DENND2A: variants seen among roughly 807,000 people sequenced by gnomAD.
DENND2A encodes DENN domain containing 2A, also known as DENN domain-containing protein 2A.
DENND2A carries 53 observed loss-of-function variants against 105.3 expected under a neutral mutation model. The ratio of observed to expected loss-of-function variants is 0.50; its 90% CI spans 0.40 to 0.63. The LOEUF (loss-of-function observed/expected upper bound fraction) is 0.63. Among genes scored for constraint, DENND2A ranks in the 30% least tolerant of loss-of-function variants. DENND2A has a pLI of 0.00. For missense variants in DENND2A, 1,138 were observed against 1,279.6 expected (o/e 0.89, Z 1.69); for synonymous variants, 522 against 508.4 (o/e 1.03, Z -0.36).
intron 14 of DENND2A, among the ~76,000 whole-genome samples, chr7:140,540,428 G>C (rs1170701669): frequency 1.3e-5 from 2 of 152,258 alleles, no homozygotes; most frequent in Non-Finnish European, 2.9e-5. Flanking sequence ...AGGTTGGAGA[G>C]AAACACCAGT....
rs868710707 is a variant in DENND2A, at chr7:140,567,308, G to A, written c.1592-35C>T. 2.0e-5 allele frequency: 17 copies of A among 830,364 alleles called. 1 individual carries two copies. In the Admixed American group the frequency reaches 2.6e-4, roughly 13 times the overall value. The allele number at this position is 830,364 out of a possible 1,614,324, so 51.4% of individuals were successfully genotyped here. On this transcript the variant is annotated intron_variant, in intron 8 of 19. Coordinates refer to ENST00000496613, the MANE Select transcript of DENND2A (RefSeq NM_015689.5). ...GGAGGGAGAGAGAAAGAGAGAAAGA[G>A]AGAGAGAGAGAGAGAGAGAGAGAGA...
chr7:140,638,767 G>A (rs1220836087), intron 1 of DENND2A, among the ~76,000 whole-genome samples: 2 of 152,216 alleles, frequency 1.3e-5, no homozygotes, highest in Non-Finnish European at 2.9e-5. Context: ...TTTCCTTGGT[G>A]AGGCGGTTTT....
intron 19 of DENND2A, 86 bp from the exon 20 acceptor site, chr7:140,518,824 G>C: frequency 7.2e-7 from 1 of 1,395,276 alleles, no homozygotes; most frequent in South Asian, 1.2e-5. Context: ...GAAGTGGTGC[G>C]GGTAACGGGG....
chr7:140,624,857 TG>T (rs1188128779), intron 1 of DENND2A, among the ~76,000 whole-genome samples: 2,436 of 146,350 alleles, frequency 0.017, 132 homozygotes, highest in African/African-American at 0.061. Flanking sequence ...TTGTTTTTTT[TG>T]TTTTTTTTTG....
At chr7:140,591,971 CTCCCCTCTCCCTCCTCTCCCCTCCCCT>C (rs1384274390) in intron 3 of DENND2A, among the ~76,000 whole-genome samples, 11 of 41,976 alleles carry the variant, frequency 2.6e-4, no homozygotes, top group African/African-American at 8.8e-4. Context: ...TCCCCTCCCC[CTCCCCTCTCCCTCCTCTCCCCTCCCCT>C]TCCCCTCTCC....
rs1799347532 is a variant in DENND2A at position 140,597,996 on chromosome 7, C to G, written c.995+3407G>C. 2.0e-5 allele frequency among the ~76,000 whole-genome samples: 3 copies of G among 149,850 alleles called. No individual in the cohort carries two copies. In the South Asian group the frequency reaches 6.4e-4, roughly 32 times the overall value. Reference sequence around the variant, plus strand: ...TCAAACCTAGTAAAGATAGTGCAATCATCCTGTATGTATTCTGCAAAAAAA... The same window carrying G: ...TCAAACCTAGTAAAGATAGTGCAATGATCCTGTATGTATTCTGCAAAAAAA... On this transcript the variant is annotated intron_variant, in intron 3 of 19. Coordinates refer to ENST00000496613, the MANE Select transcript of DENND2A (RefSeq NM_015689.5).
At chr7:140,590,624 G>T (rs1310441908) in intron 3 of DENND2A, among the ~76,000 whole-genome samples, 4 of 152,172 alleles carry the variant, frequency 2.6e-5, no homozygotes, top group African/African-American at 9.7e-5. Flanking sequence ...CAGCACTTTG[G>T]GAGGCTGAGG....
At chr7:140,621,101 T>C (rs1800274010) in intron 1 of DENND2A, among the ~76,000 whole-genome samples, 1 of 152,208 alleles carries the variant, frequency 6.6e-6, no homozygotes, top group Admixed American at 6.5e-5. Flanking sequence ...GCATCATGGC[T>C]CACTGCAGCC....
intron 14 of DENND2A, among the ~76,000 whole-genome samples, chr7:140,528,013 G>C (rs994240472): frequency 1.3e-5 from 2 of 151,730 alleles, no homozygotes; most frequent in African/African-American, 4.8e-5. Flanking sequence ...GCTAATTTTT[G>C]CATTTTTAGT....
chr7:140,620,632 G>T (rs1800254806), intron 1 of DENND2A, among the ~76,000 whole-genome samples: 2 of 152,230 alleles, frequency 1.3e-5, no homozygotes, highest in Admixed American at 1.3e-4. Flanking sequence ...CTGCCCTGCG[G>T]TGCCCAGCAA....
intron 8 of DENND2A, 47 bp downstream of exon 8, chr7:140,568,716 C>A (rs1421173410): frequency 1.9e-6 from 3 of 1,603,928 alleles, no homozygotes; most frequent in South Asian, 1.1e-5. Context: ...ACCTTTGCAG[C>A]TTCCAAGTCA....
intron 1 of DENND2A, among the ~76,000 whole-genome samples, chr7:140,610,757 C>T (rs1262770611): frequency 1.3e-5 from 2 of 152,194 alleles, no homozygotes; most frequent in Non-Finnish European, 2.9e-5. Flanking sequence ...CTCACAGGAG[C>T]GGCTGTGGAC....
chr7:140,577,224 A>T (rs1402092517), intron 5 of DENND2A, among the ~76,000 whole-genome samples: 1 of 152,174 alleles, frequency 6.6e-6, no homozygotes, highest in Non-Finnish European at 1.5e-5. Flanking sequence ...ACACAGTACT[A>T]TCTGAGAATA....
At chr7:140,544,353 G>T in intron 14 of DENND2A, 1 of 547,912 alleles carries the variant, frequency 1.8e-6, no homozygotes, top group East Asian at 3.2e-5. Context: ...GGCCACCATG[G>T]CTGGCTAATT....
At chr7:140,612,352 C>A (rs949203417) in intron 1 of DENND2A, among the ~76,000 whole-genome samples, 2 of 151,780 alleles carry the variant, frequency 1.3e-5, no homozygotes, top group Admixed American at 6.6e-5. Flanking sequence ...AAGATATATG[C>A]GCAGGGGAAG....
chr7:140,626,249 G>A (rs539828071), intron 1 of DENND2A, among the ~76,000 whole-genome samples: 1 of 152,028 alleles, frequency 6.6e-6, no homozygotes. Flanking sequence ...CCCCTTCTCC[G>A]TCCCCTGCAC....
chr7:140,570,751 G>A (rs993023913), intron 6 of DENND2A, among the ~76,000 whole-genome samples: 1 of 152,318 alleles, frequency 6.6e-6, no homozygotes, highest in African/African-American at 2.4e-5. Flanking sequence ...ACTGCCAGAC[G>A]CCCTGTGCCC....
chr7:140,533,486 G>T (rs1347163617), intron 14 of DENND2A, among the ~76,000 whole-genome samples: 1 of 152,188 alleles, frequency 6.6e-6, no homozygotes, highest in African/African-American at 2.4e-5. Context: ...TGGTTCAGCT[G>T]CAGTGAGTGT....
At position 140,574,026 on chromosome 7, in the gene DENND2A, A is replaced by G. The variant is rs777093287; in HGVS notation, c.1246-18T>C. On this transcript the variant is annotated intron_variant, in intron 5 of 19. Coordinates refer to ENST00000496613, the MANE Select transcript of DENND2A (RefSeq NM_015689.5). ...AATGACTGCTGTGAAGGAAAAGGAG[A>G]AAAGAAGAGTAAATGAATTCAAAGG... is the stretch of plus-strand genomic sequence containing the variant. The G allele has an allele frequency of 3.7e-6, 6 of 1,613,898 alleles. No individual in the cohort carries two copies. The highest frequency in any genetic ancestry group is 5.1e-6 in the Non-Finnish European group (6 of 1,179,944).
Sources: allele counts gnomAD v4.1 joint callset (sites outside exome capture counted in the v4.1 genomes callset), GRCh38; gene constraint gnomAD v4.1.1; transcripts MANE v1.5; gene names NCBI Gene and HGNC (gene_info 2026-07-23, HGNC 2026-07-21).